The following GBE1 variants were observed in gnomAD, a reference collection of about 807,000 sequenced individuals.
The protein encoded by GBE1 is 1,4-alpha-glucan-branching enzyme.
In GBE1, 70 loss-of-function variants were observed where a neutral mutation model predicts 88.8. The observed-to-expected ratio is 0.79, with a 90% CI of 0.65 to 0.96. GBE1 has a LOEUF of 0.96. Among genes scored for constraint, GBE1 ranks in the 40% least tolerant of loss-of-function variants. The probability of loss-of-function intolerance (pLI) is 0.00; values close to 1 mark genes in which losing one functional copy is unlikely to be tolerated. For synonymous variants in GBE1, 284 were observed against 300.1 expected (o/e 0.95, Z 0.56); for missense variants, 872 against 871.0 (o/e 1.00, Z -0.01).
chr3:81,706,403 T>A (rs566962569), intron 1 of GBE1, among the ~76,000 whole-genome samples: 60 of 152,280 alleles, frequency 3.9e-4, no homozygotes, highest in African/African-American at 1.4e-3. Context: ...CACCAAAAAG[T>A]ACTACCCTAT....
intron 14 of GBE1, among the ~76,000 whole-genome samples, chr3:81,518,352 G>A (rs1702825509): frequency 1.4e-5 from 2 of 142,196 alleles, no homozygotes; most frequent in Admixed American, 1.4e-4. Flanking sequence ...CAGGCCCCTG[G>A]TCCCCCTTCA....
At chr3:81,626,187 C>G (rs1704411533) in intron 7 of GBE1, among the ~76,000 whole-genome samples, 1 of 152,198 alleles carries the variant, frequency 6.6e-6, no homozygotes, top group East Asian at 1.9e-4. Context: ...TTCATCCACT[C>G]ACTAGCTCAA....
chr3:81,532,924 C>T (rs530571983), intron 14 of GBE1, among the ~76,000 whole-genome samples: 40 of 151,964 alleles, frequency 2.6e-4, no homozygotes, highest in Non-Finnish European at 5.0e-4. Context: ...GTCTTAATCT[C>T]GTTATCTCTC....
chr3:81,700,449 T>C (rs1245779666), intron 2 of GBE1, among the ~76,000 whole-genome samples: 1 of 152,148 alleles, frequency 6.6e-6, no homozygotes, highest in South Asian at 2.1e-4. Context: ...AGAAAAAATA[T>C]TTAAAACTCA....
intron 3 of GBE1, among the ~76,000 whole-genome samples, chr3:81,663,715 C>T (rs1231258395): frequency 2.6e-5 from 4 of 152,268 alleles, no homozygotes; most frequent in South Asian, 4.1e-4. Context: ...CGGTAGCACA[C>T]GCCCACTGGG....
intron 2 of GBE1, among the ~76,000 whole-genome samples, chr3:81,694,193 G>A (rs1705559837): frequency 6.6e-6 from 1 of 152,012 alleles, no homozygotes; most frequent in African/African-American, 2.4e-5. Flanking sequence ...GGGGAGAAAA[G>A]GAGTGGGAGG....
At position 81,490,274 on chromosome 3, in the gene GBE1, T is replaced by C. The variant is rs189007682; in HGVS notation, c.*133A>G. On this transcript the variant is annotated 3_prime_UTR_variant, in exon 16 of 16. Coordinates refer to ENST00000429644, the MANE Select transcript of GBE1 (RefSeq NM_000158.4). ...TTTGCTGTATTTGCATAAACCAATATTGAATTTCAGACACTTGATGGCTTG... is the reference window on the plus strand; with the variant it reads ...TTTGCTGTATTTGCATAAACCAATACTGAATTTCAGACACTTGATGGCTTG... The C allele has an allele frequency of 4.0e-5, 30 of 747,040 alleles. No homozygotes were observed. The Admixed American group carries it at 5.8e-4, about 14-fold the overall frequency. 46.3% of individuals were successfully genotyped at this position (747,040 alleles called of 1,614,324 possible). A position where few individuals can be genotyped will look rare whatever the true frequency, so the allele number is the denominator to read the frequency against.
At chr3:81,676,782 T>A (rs1705261982) in intron 2 of GBE1, among the ~76,000 whole-genome samples, 1 of 152,124 alleles carries the variant, frequency 6.6e-6, no homozygotes. Context: ...ATTAACAGGT[T>A]TAAATTCATC....
intron 7 of GBE1, among the ~76,000 whole-genome samples, chr3:81,607,154 T>C (rs573156439): frequency 4.6e-5 from 7 of 152,358 alleles, no homozygotes; most frequent in African/African-American, 1.7e-4. Context: ...CACAGTGCCT[T>C]GTTATTTTAT....
chr3:81,601,566 G>T (rs1454933761), intron 7 of GBE1, among the ~76,000 whole-genome samples: 1 of 152,116 alleles, frequency 6.6e-6, no homozygotes, highest in Non-Finnish European at 1.5e-5. Flanking sequence ...GCACCCTCCT[G>T]AATGGGGATT....
chr3:81,737,188 G>A (rs530658834), intron 1 of GBE1, among the ~76,000 whole-genome samples: 1 of 149,800 alleles, frequency 6.7e-6, no homozygotes, highest in African/African-American at 2.4e-5. Flanking sequence ...GTGTAAATCA[G>A]AAGGCCAGAG....
chr3:81,528,679 AGTT>A (rs1256870126), intron 14 of GBE1, among the ~76,000 whole-genome samples: 1 of 151,960 alleles, frequency 6.6e-6, no homozygotes, highest in East Asian at 1.9e-4. Flanking sequence ...GTGCATATCT[AGTT>A]GTTATATTCT....
At chr3:81,615,245 TATA>T (rs1465429947) in intron 7 of GBE1, among the ~76,000 whole-genome samples, 1 of 152,174 alleles carries the variant, frequency 6.6e-6, no homozygotes, top group African/African-American at 2.4e-5. Context: ...GCTGTAGATT[TATA>T]TGCAGTTATG....
At chr3:81,631,166 T>G (rs1332443091) in intron 7 of GBE1, among the ~76,000 whole-genome samples, 3 of 152,144 alleles carry the variant, frequency 2.0e-5, no homozygotes, top group African/African-American at 7.2e-5. Context: ...ACTGTGCCAC[T>G]GCACTCCAGC....
In GBE1 at chr3:81,702,096, AGAGAGAGT is replaced by A. The variant is rs1226993066; in HGVS notation, c.313+3340_313+3347del. On this transcript the variant is annotated intron_variant, in intron 2 of 15. Coordinates refer to ENST00000429644, the MANE Select transcript of GBE1 (RefSeq NM_000158.4). ...ACAGAATCCCTGGAGAGAGAGAGAG[AGAGAGAGT>A]GTGTGTGTGTGTGTGTGTGTGTGTG... Among the ~76,000 whole-genome samples, 3 of 34,928 alleles carry A rather than the reference AGAGAGAGT, an allele frequency of 8.6e-5. No individual in the cohort carries two copies. The South Asian group carries it at 5.0e-3, about 58-fold the overall frequency. The allele number at this position is 34,928 out of a possible 152,430, so 22.9% of individuals were successfully genotyped here.
rs549611599 is a variant in GBE1 at position 81,616,346 on chromosome 3, C to T, written c.993-22323G>A. ...ATTTTTCTAACATTTTCACATTTTA[C>T]GTGTTAATCTATAATCTATTTTAGT... On this transcript the variant is annotated intron_variant, in intron 7 of 15. Coordinates refer to ENST00000429644, the MANE Select transcript of GBE1 (RefSeq NM_000158.4). 1.2e-4 allele frequency among the ~76,000 whole-genome samples: 18 copies of T among 152,160 alleles called. No individual in the cohort carries two copies. The East Asian group carries it at 2.3e-3, about 20-fold the overall frequency.
At chr3:81,520,959 C>T (rs993811382) in intron 14 of GBE1, among the ~76,000 whole-genome samples, 1 of 151,352 alleles carries the variant, frequency 6.6e-6, no homozygotes, top group Non-Finnish European at 1.5e-5. Flanking sequence ...TTTATTGATA[C>T]AAATCAGTCT....
chr3:81,490,449 G>C lies in GBE1; in HGVS notation c.2067C>G (p.Ser689Arg), dbSNP rs1173853844. 17 of 1,612,600 alleles carry C rather than the reference G, an allele frequency of 1.1e-5. No homozygotes were observed. In the Admixed American group the frequency reaches 2.3e-4, roughly 22 times the overall value. The change falls in exon 16 of 16, where the codon AGC (serine) becomes AGG (arginine). Residue 689 changes from serine to arginine, a missense_variant. Physicochemically the swap from Ser to Arg is moderately radical, Grantham distance 110. Coordinates refer to ENST00000429644, the MANE Select transcript of GBE1 (RefSeq NM_000158.4). ...RPYSLLVYIP[S>R]RVALILQNVD... is the part of the protein sequence containing the mutation. ...CATTCTGAAGGATGAGGGCCACTCT[G>C]CTTGGAATGTACACCTACGTCAAAA...
At chr3:81,752,373 T>A (rs1250108030) in intron 1 of GBE1, among the ~76,000 whole-genome samples, 7 of 152,216 alleles carry the variant, frequency 4.6e-5, no homozygotes, top group Admixed American at 4.6e-4. Context: ...ACTCCTGCTA[T>A]TAGTAAACTC....
Sources: gnomAD v4.1 joint callset for allele counts (sites outside exome capture counted in the v4.1 genomes callset) on GRCh38, gnomAD v4.1.1 for gene constraint, MANE v1.5 for transcripts, NCBI Gene and HGNC (gene_info 2026-07-23, HGNC 2026-07-21) for gene names.